The following LAMA1 variants were observed in gnomAD, a reference collection of about 807,000 sequenced individuals.
LAMA1 encodes laminin subunit alpha 1.
LAMA1 carries 219 observed loss-of-function variants against 348.7 expected under a neutral mutation model. The observed-to-expected ratio is 0.63, with a 90% CI of 0.56 to 0.70. The LOEUF is 0.70. Ranked by LOEUF, LAMA1 falls within the 30% of genes least tolerant of loss-of-function variation. The pLI is 0.00. For synonymous variants in LAMA1, 1,487 were observed against 1,491.0 expected (o/e 1.00, Z 0.06); for missense variants, 3,744 against 3,888.0 (o/e 0.96, Z 0.99).
At chr18:7,024,790 C>T (rs1375473163) in intron 17 of LAMA1, among the ~76,000 whole-genome samples, 4 of 152,214 alleles carry the variant, frequency 2.6e-5, no homozygotes, top group Non-Finnish European at 5.9e-5. Flanking sequence ...TCAGCTGATG[C>T]TTCCTCCAGG....
chr18:7,013,894 C>G lies in LAMA1; in HGVS notation c.3284G>C (p.Arg1095Thr). 1 of 1,613,430 alleles carries G rather than the reference C, an allele frequency of 6.2e-7. No individual in the cohort carries two copies. The highest frequency in any genetic ancestry group is 1.1e-5 in the South Asian group (1 of 90,952). Residue 1095 changes from arginine (R) to threonine (T), a missense_variant, in exon 23 of 63, where the codon AGG becomes ACG. Transcript: ENST00000389658. ...GTTGCAGGCGTCCCCCGACGTCCCC[C>G]TCAGGTCACAGTCACAGGGAACACA... ...PDCVPCDCDL[R>T]GTSGDACNLE...
At position 6,986,554 on chromosome 18, in the gene LAMA1, C is replaced by CTTTT. The variant is rs71165711; in HGVS notation, c.5169-211_5169-208dup. Among the ~76,000 whole-genome samples the CTTTT allele has an allele frequency of 9.6e-5, 14 of 146,290 alleles. No individual in the cohort carries two copies. In the South Asian group the frequency reaches 2.4e-3, roughly 25 times the overall value. On this transcript the variant is annotated intron_variant, in intron 36 of 62. Transcript: ENST00000389658. ...TTATATTTTATCCTTAACAAATTGT[C>CTTTT]TTTTTTTTTTTTTAGTGGTGCATCT...
At chr18:6,957,107 A>C in intron 55 of LAMA1, 1 of 357,906 alleles carries the variant, frequency 2.8e-6, no homozygotes, top group Non-Finnish European at 5.4e-6. Flanking sequence ...TCTAGTTCCC[A>C]AGCGCTGCAC....
intron 42 of LAMA1, 23 bp downstream of exon 42, chr18:6,980,498 A>C: frequency 7.4e-7 from 1 of 1,350,472 alleles, no homozygotes; most frequent in Non-Finnish European, 1.1e-6. Flanking sequence ...CGTTATTTAC[A>C]GAAGAAAGTC....
chr18:7,041,515 T>G (rs2058020570), intron 9 of LAMA1, among the ~76,000 whole-genome samples: 1 of 152,200 alleles, frequency 6.6e-6, no homozygotes, highest in South Asian at 2.1e-4. Flanking sequence ...TGCCAGTGGC[T>G]GAGAACTTGA....
chr18:6,988,471 T>C (rs1451173170), intron 36 of LAMA1, among the ~76,000 whole-genome samples: 1 of 152,166 alleles, frequency 6.6e-6, no homozygotes, highest in Admixed American at 6.5e-5. Context: ...TGGCTCTCCT[T>C]AGTAGACACT....
intron 1 of LAMA1, among the ~76,000 whole-genome samples, chr18:7,096,494 AT>A (rs1031165035): frequency 6.6e-6 from 1 of 151,356 alleles, no homozygotes; most frequent in African/African-American, 2.4e-5. Context: ...CTGGGTAACA[AT>A]TTTTTTTTAA....
At position 6,978,286 on chromosome 18, in the gene LAMA1, G is replaced by A. The variant is rs2057692114; in HGVS notation, c.6100C>T (p.Gln2034Ter). The change falls in exon 43 of 63, where the codon CAG (glutamine) becomes TAG (stop). Residue 2034 changes from glutamine to a stop codon, truncating the protein, a stop_gained. Coordinates refer to ENST00000389658, the MANE Select transcript of LAMA1 (RefSeq NM_005559.4). LOFTEE classifies it high-confidence loss of function. Reference sequence around the variant, plus strand: ...CTGGCAGATGTGTTCAGCAGCTCCTGGCTCAGCCCCGCCACGTCCCTCAGC... The same window carrying A: ...CTGGCAGATGTGTTCAGCAGCTCCTAGCTCAGCCCCGCCACGTCCCTCAGC... ...STLRDVAGLS[Q>*]ELLNTSASLS... 6.2e-7 allele frequency: 1 copy of A among 1,614,088 alleles called. No homozygotes were observed. Among genetic ancestry groups the A allele is most frequent in the African/African-American group, 1.3e-5 (1 of 74,930 alleles).
chr18:7,014,136 A>G (rs755986124), intron 22 of LAMA1, 85 bp from the exon 23 acceptor site: 3 of 1,036,464 alleles, frequency 2.9e-6, no homozygotes, highest in South Asian at 1.3e-5. Context: ...GGAAAACACT[A>G]CATGTGGGGA....
intron 3 of LAMA1, among the ~76,000 whole-genome samples, chr18:7,063,008 G>A (rs113804386): frequency 0.029 from 4,404 of 152,186 alleles, 219 homozygotes; most frequent in African/African-American, 0.1. Context: ...AAATCCAACA[G>A]GTGATACTGC....
chr18:7,025,780 C>T (rs1480750847), intron 17 of LAMA1, among the ~76,000 whole-genome samples, 199 bp downstream of exon 17: 1 of 152,220 alleles, frequency 6.6e-6, no homozygotes, highest in Non-Finnish European at 1.5e-5. Context: ...GCACACACCT[C>T]TTCTTGCCTG....
rs779751006 is a variant in LAMA1 at position 6,978,341 on chromosome 18, G to A, written c.6045C>T (p.Ala2015=). The A allele has an allele frequency of 6.2e-7, 1 of 1,614,158 alleles. No homozygotes were observed. Among genetic ancestry groups the A allele is most frequent in the South Asian group, 1.1e-5 (1 of 91,084 alleles). Residue 2015 remains alanine, a synonymous_variant, in exon 43 of 63, where the codon GCC becomes GCT. Coordinates refer to ENST00000389658, the MANE Select transcript of LAMA1 (RefSeq NM_005559.4). ...RDKGAKTKEL[A]TSASQSAVST... ...TCACCGCGCTCTGGCTTGCAGACGT[G>A]GCCAGCTCTTTGGTTTTGGCTCCCT... is the stretch of plus-strand genomic sequence containing the variant.
At position 7,009,165 on chromosome 18, in the gene LAMA1, T is replaced by C. The variant is rs999112285; in HGVS notation, c.4001+74A>G. The C allele has an allele frequency of 5.8e-5, 88 of 1,525,206 alleles. No individual in the cohort carries two copies. The Admixed American group carries it at 7.9e-4, about 14-fold the overall frequency. 94.5% of individuals were successfully genotyped at this position (1,525,206 alleles called of 1,614,324 possible). Reference sequence around the variant, plus strand: ...TAATAAAAATAGTAGGTAATGGAAGTGAAGTGAGTCAAATTCTTTCAGTTT... The same window carrying C: ...TAATAAAAATAGTAGGTAATGGAAGCGAAGTGAGTCAAATTCTTTCAGTTT... On this transcript the variant is annotated intron_variant, in intron 27 of 62. Transcript: ENST00000389658.
chr18:7,107,622 T>A, intron 1 of LAMA1, among the ~76,000 whole-genome samples: 1 of 151,822 alleles, frequency 6.6e-6, no homozygotes, highest in Admixed American at 6.6e-5. Context: ...GATGAATGAG[T>A]GAATAAATGA....
intron 23 of LAMA1, among the ~76,000 whole-genome samples, chr18:7,013,535 A>C (rs555284547): frequency 6.6e-6 from 1 of 152,280 alleles, no homozygotes; most frequent in South Asian, 2.1e-4. Context: ...CTGCATACTC[A>C]AGATACGCAG....
chr18:7,010,196 T>C lies in LAMA1; in HGVS notation c.3873+4A>G, dbSNP rs1166317198. 6.2e-7 allele frequency: 1 copy of C among 1,614,050 alleles called. No individual in the cohort carries two copies. Among genetic ancestry groups the C allele is most frequent in the Non-Finnish European group, 8.5e-7 (1 of 1,179,908 alleles). The stretch of plus-strand genomic sequence containing the variant: ...GAACTTCTATGAAAAGATCCCATTA[T>C]CACCTCTCTCATTGCTACTTCTTGT... On this transcript the variant is annotated splice_donor_region_variant and intron_variant, in intron 26 of 62. Coordinates refer to ENST00000389658, the MANE Select transcript of LAMA1 (RefSeq NM_005559.4).
chr18:6,943,066 A>G (rs1357310911), intron 62 of LAMA1, 114 bp downstream of exon 62: 1 of 880,096 alleles, frequency 1.1e-6, no homozygotes, highest in African/African-American at 1.7e-5. Flanking sequence ...ATGGTAAAGG[A>G]TTTGTCACCC....
chr18:7,069,387 A>G (rs1005283134), intron 3 of LAMA1, among the ~76,000 whole-genome samples: 2 of 152,180 alleles, frequency 1.3e-5, no homozygotes, highest in Admixed American at 6.5e-5. Context: ...TAAGATATGC[A>G]AGGCTGCAAA....
chr18:7,106,506 T>C (rs1317682289), intron 1 of LAMA1, among the ~76,000 whole-genome samples: 2 of 151,940 alleles, frequency 1.3e-5, no homozygotes, highest in African/African-American at 4.8e-5. Context: ...ACTACAGGTG[T>C]GCACCACCAC....
Sources: gnomAD v4.1 joint callset for allele counts (sites outside exome capture counted in the v4.1 genomes callset) on GRCh38, gnomAD v4.1.1 for gene constraint, MANE v1.5 for transcripts, NCBI Gene and HGNC (gene_info 2026-07-23, HGNC 2026-07-21) for gene names.